Variants in ZC3H14 observed in about 807,000 individuals in gnomAD.
ZC3H14 encodes the protein zinc finger CCCH-type containing 14.
A neutral mutation model predicts 92.4 loss-of-function variants in ZC3H14; 31 were observed. The ratio of observed to expected loss-of-function variants is 0.34; its 90% CI spans 0.25 to 0.45. The LOEUF (loss-of-function observed/expected upper bound fraction) is 0.45, where lower values mean the gene tolerates loss of function less well. ZC3H14 is among the 20% of genes least tolerant of loss of function. The pLI is 1.00. For missense variants in ZC3H14, 781 were observed against 897.3 expected, an observed-to-expected ratio of 0.87 and a Z score of 1.66; for synonymous variants, 321 against 300.9, an observed-to-expected ratio of 1.07 and a Z score of -0.69.
intron 2 of ZC3H14, among the ~76,000 whole-genome samples, chr14:88,564,520 A>G (rs2079313925): frequency 6.6e-6 from 1 of 152,156 alleles, no homozygotes; most frequent in Non-Finnish European, 1.5e-5. Context: ...GTGGTTCTCA[A>G]AGTGTGGGAG....
chr14:88,594,450 C>T, intron 9 of ZC3H14: 1 of 1,259,994 alleles, frequency 7.9e-7, no homozygotes, highest in South Asian at 1.7e-5. Context: ...ATGTAGGGCC[C>T]TACGTATTAG....
intron 3 of ZC3H14, among the ~76,000 whole-genome samples, chr14:88,570,656 TG>T (rs1164809375): frequency 6.6e-6 from 1 of 152,214 alleles, no homozygotes. Context: ...AGACTAAGAC[TG>T]GTCAGATGAT....
In ZC3H14 at chr14:88,626,875, G is replaced by A. The variant is rs1488741070; in HGVS notation, c.*15124G>A. On this transcript the variant is annotated 3_prime_UTR_variant, in exon 17 of 17. Coordinates refer to ENST00000251038, the MANE Select transcript of ZC3H14 (RefSeq NM_024824.5). Reference sequence around the variant, plus strand: ...AATAGCGAGCATGGTCTGCATCCGGGCATCTTCCAGTGTGCTCAGTAGCCC... The same window carrying A: ...AATAGCGAGCATGGTCTGCATCCGGACATCTTCCAGTGTGCTCAGTAGCCC... 1 of 1,613,926 alleles carries A rather than the reference G, an allele frequency of 6.2e-7. No individual in the cohort carries two copies. Among genetic ancestry groups the A allele is most frequent in the African/African-American group, 1.3e-5 (1 of 75,026 alleles).
chr14:88,608,243 C>T (rs1030835653), intron 13 of ZC3H14: 2 of 481,080 alleles, frequency 4.2e-6, no homozygotes, highest in African/African-American at 4.1e-5. Context: ...CCATCTCACC[C>T]TGCAAGTGAA....
At chr14:88,593,127 C>G (rs2083368131) in intron 9 of ZC3H14, among the ~76,000 whole-genome samples, 1 of 152,090 alleles carries the variant, frequency 6.6e-6, no homozygotes, top group African/African-American at 2.4e-5. Context: ...GCCACCACAC[C>G]TGGCTGATTT....
At position 88,614,248 on chromosome 14, in the gene ZC3H14, T is replaced by G. The variant is rs1033717717; in HGVS notation, c.*2497T>G. 6.6e-6 allele frequency: 1 copy of G among 152,166 alleles called. No individual in the cohort carries two copies. Among genetic ancestry groups the G allele is most frequent in the African/African-American group, 2.4e-5 (1 of 41,446 alleles). The allele number at this position is 152,166 out of a possible 1,614,324, so 9.4% of individuals were successfully genotyped here. ...TATTGACTGACTGTAAATACATGAG[T>G]AGAAACTTAATAGTCATGTATTTCA... On this transcript the variant is annotated 3_prime_UTR_variant, in exon 17 of 17. Coordinates refer to ENST00000251038, the MANE Select transcript of ZC3H14 (RefSeq NM_024824.5).
chr14:88,616,027 A>T lies in ZC3H14; in HGVS notation c.*4276A>T. The stretch of plus-strand genomic sequence containing the variant: ...TTCTGAAGAGCCATCTGGTTATACT[A>T]CCTTCTACTAATGTTGACTAGCTGA... On this transcript the variant is annotated 3_prime_UTR_variant, in exon 17 of 17. Transcript: ENST00000251038. 2 of 1,302,194 alleles carry T rather than the reference A, an allele frequency of 1.5e-6. No homozygotes were observed. The highest frequency in any genetic ancestry group is 1.3e-5 in the South Asian group (1 of 79,268). The allele number at this position is 1,302,194 out of a possible 1,614,324, so 80.7% of individuals were successfully genotyped here.
At chr14:88,608,610 C>T (rs1253765653) in intron 13 of ZC3H14, 5 of 210,126 alleles carry the variant, frequency 2.4e-5, no homozygotes, top group African/African-American at 7.1e-5. Context: ...GAATTCTGTA[C>T]GTTTAAGCAG....
chr14:88,574,728 A>G lies in ZC3H14; in HGVS notation c.897A>G (p.Val299=), dbSNP rs1251936895. The G allele has an allele frequency of 1.2e-6, 2 of 1,614,026 alleles. No homozygotes were observed. The highest frequency in any genetic ancestry group is 1.7e-5 in the Admixed American group (1 of 60,004). ...TTCGGAAGAGAAAGTTGCCTGTGGT[A>G]AGTTCAGTTGTTAAAGTAAAAAAAT... ...ENFRKRKLPV[V]SSVVKVKKFN... is the part of the protein sequence containing the mutation. Residue 299 remains valine, a synonymous_variant, in exon 7 of 17, where the codon GTA becomes GTG. Coordinates refer to ENST00000251038, the MANE Select transcript of ZC3H14 (RefSeq NM_024824.5).
intron 13 of ZC3H14, among the ~76,000 whole-genome samples, chr14:88,607,887 CATCTCA>C (rs2085787351): frequency 8.1e-6 from 1 of 123,412 alleles, no homozygotes; most frequent in Non-Finnish European, 1.7e-5. Context: ...GTACCATCCC[CATCTCA>C]CCCTGCAAGT....
At chr14:88,566,013 AC>A (rs1399321406) in intron 2 of ZC3H14, among the ~76,000 whole-genome samples, 2 of 26,732 alleles carry the variant, frequency 7.5e-5, no homozygotes, top group Non-Finnish European at 1.5e-4. Flanking sequence ...GATTACAGGC[AC>A]CTGCCACCAC....
rs1279587846 is a variant in ZC3H14, at chr14:88,621,840, C to G, written c.*10089C>G. ...ATAGGGCATAGGGTAATACGCATAA[C>G]CATCACCTCAGACATTTATCATTTC... On this transcript the variant is annotated 3_prime_UTR_variant, in exon 17 of 17. Transcript: ENST00000251038. 2.2e-6 allele frequency: 1 copy of G among 456,032 alleles called. No individual in the cohort carries two copies. The highest frequency in any genetic ancestry group is 6.9e-5 in the East Asian group (1 of 14,400). 28.2% of individuals were successfully genotyped at this position (456,032 alleles called of 1,614,324 possible).
chr14:88,621,080 G>A lies in ZC3H14; in HGVS notation c.*9329G>A, dbSNP rs762592166. 1.3e-5 allele frequency: 20 copies of A among 1,590,272 alleles called. 1 individual carries two copies. The South Asian group carries it at 2.3e-4, about 18-fold the overall frequency. ...CTTCCAACTTTTCTTTTTAGAAGTT[G>A]TAACCTCTTTTAAAAAAATTATCTG... On this transcript the variant is annotated 3_prime_UTR_variant, in exon 17 of 17. Coordinates refer to ENST00000251038, the MANE Select transcript of ZC3H14 (RefSeq NM_024824.5).
intron 15 of ZC3H14, among the ~76,000 whole-genome samples, chr14:88,610,357 C>A (rs2086404141): frequency 6.6e-6 from 1 of 152,094 alleles, no homozygotes; most frequent in South Asian, 2.1e-4. Context: ...GCTAAACTAC[C>A]TTTTGAAATT....
intron 9 of ZC3H14, among the ~76,000 whole-genome samples, chr14:88,587,559 A>G (rs1451985027): frequency 6.6e-6 from 1 of 152,092 alleles, no homozygotes; most frequent in Non-Finnish European, 1.5e-5. Context: ...TATATTGTCA[A>G]AGCTGATCAA....
At position 88,625,684 on chromosome 14, in the gene ZC3H14, G is replaced by A. The variant is rs571141094; in HGVS notation, c.*13933G>A. 1 of 152,676 alleles carries A rather than the reference G, an allele frequency of 6.5e-6. No individual in the cohort carries two copies. Among genetic ancestry groups the A allele is most frequent in the East Asian group, 1.9e-4 (1 of 5,194 alleles). 9.5% of individuals were successfully genotyped at this position (152,676 alleles called of 1,614,324 possible). The stretch of plus-strand genomic sequence containing the variant: ...CCCTAAGTGCTGGGATTATAGGTGT[G>A]AGCCACTGTGCCCGGCCTGAGCCAC... On this transcript the variant is annotated 3_prime_UTR_variant, in exon 17 of 17. Transcript: ENST00000251038.
chr14:88,626,544 G>C lies in ZC3H14; in HGVS notation c.*14793G>C, dbSNP rs538717430. 1.0e-4 allele frequency: 33 copies of C among 314,868 alleles called. 1 individual carries two copies. The South Asian group carries it at 1.4e-3, about 14-fold the overall frequency. 19.5% of individuals were successfully genotyped at this position (314,868 alleles called of 1,614,324 possible). ...GAGGCTGAGGATCACTTGAACCTGG[G>C]AGATGGAGGCTACAGTGAGCTATAA... On this transcript the variant is annotated 3_prime_UTR_variant, in exon 17 of 17. Transcript: ENST00000251038.
chr14:88,568,237 CT>C, intron 3 of ZC3H14, 84 bp downstream of exon 3: 2 of 1,161,066 alleles, frequency 1.7e-6, no homozygotes, highest in South Asian at 2.6e-5. Flanking sequence ...GTTCTTGACA[CT>C]TGAGTTAGGT....
At position 88,563,506 on chromosome 14, in the gene ZC3H14, G is replaced by T. The variant is rs1595446323; in HGVS notation, c.37-145G>T. ...AGCTGGAGTGGGGTGCGGGGTGGGG[G>T]GCGGTGCAGGCGAGGCTCCTCCCAG... On this transcript the variant is annotated intron_variant, in intron 1 of 16. Transcript: ENST00000251038. 1.3e-6 allele frequency: 2 copies of T among 1,514,862 alleles called. No individual in the cohort carries two copies. Among genetic ancestry groups the T allele is most frequent in the Non-Finnish European group, 1.8e-6 (2 of 1,120,222 alleles). The allele number at this position is 1,514,862 out of a possible 1,614,324, so 93.8% of individuals were successfully genotyped here. A position where few individuals can be genotyped will look rare whatever the true frequency, so the allele number is the denominator to read the frequency against.
Sources: gnomAD v4.1 joint callset for allele counts (sites outside exome capture counted in the v4.1 genomes callset) on GRCh38, gnomAD v4.1.1 for gene constraint, MANE v1.5 for transcripts, NCBI Gene and HGNC (gene_info 2026-07-23, HGNC 2026-07-21) for gene names.